The following STXBP5L variants were observed in gnomAD, a reference collection of about 807,000 sequenced individuals.
STXBP5L encodes the protein syntaxin binding protein 5L, also known as syntaxin-binding protein 5-like.
STXBP5L carries 65 observed loss-of-function variants against 144.5 expected under a neutral mutation model. The observed-to-expected ratio is 0.45, with a 90% CI of 0.37 to 0.55. The LOEUF (loss-of-function observed/expected upper bound fraction) is 0.55, where lower values mean the gene tolerates loss of function less well. STXBP5L is among the 20% of genes least tolerant of loss of function. The probability of loss-of-function intolerance (pLI) is 0.00; values close to 1 mark genes in which losing one functional copy is unlikely to be tolerated. For missense variants in STXBP5L, 1,298 were observed against 1,405.5 expected, an observed-to-expected ratio of 0.92 and a Z score of 1.22; for synonymous variants, 505 against 469.6, an observed-to-expected ratio of 1.08 and a Z score of -0.97.
At chr3:121,093,073 TTTA>T (rs1302954317) in intron 5 of STXBP5L, among the ~76,000 whole-genome samples, 2 of 152,240 alleles carry the variant, frequency 1.3e-5, no homozygotes, top group Admixed American at 1.3e-4. Flanking sequence ...CTGGATTACA[TTTA>T]TTGATTTGCA....
intron 3 of STXBP5L, among the ~76,000 whole-genome samples, chr3:120,966,824 C>G (rs1271388742): frequency 6.6e-6 from 1 of 152,184 alleles, no homozygotes; most frequent in Non-Finnish European, 1.5e-5. Context: ...AATCACTGCT[C>G]TCTTCAGAGC....
At chr3:120,981,357 ATCCC>A (rs1941755093) in intron 3 of STXBP5L, among the ~76,000 whole-genome samples, 1 of 152,110 alleles carries the variant, frequency 6.6e-6, no homozygotes, top group Admixed American at 6.6e-5. Context: ...AGTTTAAATA[ATCCC>A]ATGTTTCTCA....
At chr3:121,251,095 T>A (rs1300076853) in intron 15 of STXBP5L, among the ~76,000 whole-genome samples, 1 of 152,202 alleles carries the variant, frequency 6.6e-6, no homozygotes, top group Non-Finnish European at 1.5e-5. Context: ...ACCTGTGTGG[T>A]CTTCGCCAAG....
At chr3:121,418,744 A>G (rs1379131627) in intron 26 of STXBP5L, among the ~76,000 whole-genome samples, 187 bp downstream of exon 26, 1 of 149,622 alleles carries the variant, frequency 6.7e-6, no homozygotes, top group Non-Finnish European at 1.5e-5. Context: ...TTAAAAAAAT[A>G]CTTTAATGTA....
chr3:120,943,086 C>T (rs1353249750), intron 2 of STXBP5L, among the ~76,000 whole-genome samples: 1 of 151,390 alleles, frequency 6.6e-6, no homozygotes, highest in Non-Finnish European at 1.5e-5. Context: ...TTTTCCCTTC[C>T]ATGAAAAAGA....
chr3:121,092,119 T>A (rs1159763042), intron 5 of STXBP5L, among the ~76,000 whole-genome samples: 6 of 151,570 alleles, frequency 4.0e-5, no homozygotes, highest in Non-Finnish European at 4.4e-5. Flanking sequence ...GGCTCTGTTC[T>A]ATTGGTCTAT....
chr3:120,983,505 C>G (rs994104403), intron 3 of STXBP5L, among the ~76,000 whole-genome samples: 2 of 152,134 alleles, frequency 1.3e-5, no homozygotes, highest in African/African-American at 2.4e-5. Flanking sequence ...ACACAGGCCT[C>G]TGGGGGTTGG....
chr3:121,185,757 C>T (rs1340455745), intron 9 of STXBP5L, among the ~76,000 whole-genome samples: 1 of 152,114 alleles, frequency 6.6e-6, no homozygotes, highest in Non-Finnish European at 1.5e-5. Flanking sequence ...ATTCTTTTGG[C>T]TTAGGATTCT....
intron 3 of STXBP5L, among the ~76,000 whole-genome samples, chr3:121,041,264 A>T (rs1007656745): frequency 6.6e-6 from 1 of 151,894 alleles, no homozygotes; most frequent in African/African-American, 2.4e-5. Context: ...CTGAGTTTTA[A>T]ATTATGCTTA....
At chr3:121,057,758 C>T (rs1336893432) in intron 5 of STXBP5L, among the ~76,000 whole-genome samples, 2 of 151,876 alleles carry the variant, frequency 1.3e-5, no homozygotes, top group Non-Finnish European at 2.9e-5. Flanking sequence ...TTTTGCATTT[C>T]TATTTTTTAT....
rs778439765 is a variant in STXBP5L, at chr3:121,152,223, T to TTA, written c.670-250_670-249dup. Among the ~76,000 whole-genome samples, 8 of 152,166 alleles carry TTA rather than the reference T, an allele frequency of 5.3e-5. No individual in the cohort carries two copies. In the East Asian group the frequency reaches 1.2e-3, roughly 22 times the overall value. On this transcript the variant is annotated intron_variant, in intron 7 of 26. Coordinates refer to ENST00000471454, the MANE Select transcript of STXBP5L (RefSeq NM_001308330.2). Reference sequence around the variant, plus strand: ...TTTTCTTCCAATTTTCATACTTATTTTATATCATGTCATATATATTTATAT... The same window carrying TTA: ...TTTTCTTCCAATTTTCATACTTATTTTATATATCATGTCATATATATTTATAT...
At chr3:121,038,799 A>T (rs949433005) in intron 3 of STXBP5L, among the ~76,000 whole-genome samples, 6 of 151,742 alleles carry the variant, frequency 4.0e-5, no homozygotes, top group African/African-American at 1.4e-4. Context: ...TAGGATTTTT[A>T]TGTTTTTTTA....
intron 20 of STXBP5L, among the ~76,000 whole-genome samples, chr3:121,377,977 T>C (rs2046231991): frequency 6.6e-6 from 1 of 152,320 alleles, no homozygotes; most frequent in East Asian, 1.9e-4. Flanking sequence ...CAGCATGGAA[T>C]ACTATGCAGA....
chr3:121,023,878 C>A (rs982089732), intron 3 of STXBP5L, among the ~76,000 whole-genome samples: 11 of 152,094 alleles, frequency 7.2e-5, no homozygotes, highest in African/African-American at 9.7e-5. Context: ...ACCTCAGCCT[C>A]CCAAGTAGCT....
At chr3:121,281,571 A>T (rs1311536967) in intron 19 of STXBP5L, among the ~76,000 whole-genome samples, 1 of 152,040 alleles carries the variant, frequency 6.6e-6, no homozygotes, top group Non-Finnish European at 1.5e-5. Flanking sequence ...ATAATCAGAA[A>T]AGCTGTGAAT....
chr3:121,418,931 A>T, intron 26 of STXBP5L, 125 bp from the exon 27 acceptor site: 10 of 995,310 alleles, frequency 1.0e-5, no homozygotes, highest in African/African-American at 1.7e-5. Flanking sequence ...CACAAAATAA[A>T]AGAAGCCACT....
intron 3 of STXBP5L, among the ~76,000 whole-genome samples, chr3:121,002,188 C>G (rs927171793): frequency 3.3e-5 from 5 of 151,932 alleles, no homozygotes; most frequent in African/African-American, 7.2e-5. Flanking sequence ...ACAGTTGTTT[C>G]TTTTTCTTCA....
At chr3:121,050,027 T>A (rs1490683595) in intron 5 of STXBP5L, among the ~76,000 whole-genome samples, 1 of 152,132 alleles carries the variant, frequency 6.6e-6, no homozygotes, top group African/African-American at 2.4e-5. Context: ...ATGTGAGGAC[T>A]CCTCTGGCTC....
At chr3:120,913,618 T>A (rs376144163) in intron 2 of STXBP5L, among the ~76,000 whole-genome samples, 1 of 152,090 alleles carries the variant, frequency 6.6e-6, no homozygotes, top group Non-Finnish European at 1.5e-5. Flanking sequence ...TGAATGTTGG[T>A]TCTGTGATTG....
Sources: allele counts gnomAD v4.1 joint callset (sites outside exome capture counted in the v4.1 genomes callset), GRCh38; gene constraint gnomAD v4.1.1; transcripts MANE v1.5; gene names NCBI Gene and HGNC (gene_info 2026-07-23, HGNC 2026-07-21).